Variants in PECAM1 observed in about 807,000 individuals in gnomAD.
PECAM1 encodes the protein platelet and endothelial cell adhesion molecule 1, also known as platelet endothelial cell adhesion molecule.
In PECAM1, 8 loss-of-function variants were observed where a neutral mutation model predicts 13.8. That is an observed-to-expected ratio of 0.58 (90% CI 0.34 to 1.05). The LOEUF (loss-of-function observed/expected upper bound fraction) is 1.05, where lower values mean the gene tolerates loss of function less well. Among genes scored for constraint, PECAM1 ranks in the 50% least tolerant of loss-of-function variants. The pLI is 0.03. For missense variants in PECAM1, 304 were observed against 141.2 expected, an observed-to-expected ratio of 2.15 and a Z score of -5.84; for synonymous variants, 136 against 52.6, an observed-to-expected ratio of 2.58 and a Z score of -6.86.
chr17:64,342,272 G>C (rs985838095), intron 13 of PECAM1, among the ~76,000 whole-genome samples: 24 of 152,284 alleles, frequency 1.6e-4, no homozygotes, highest in African/African-American at 5.5e-4. Context: ...CCCTGGACCT[G>C]AGGGGCCACG....
intron 7 of PECAM1, among the ~76,000 whole-genome samples, chr17:64,357,678 C>T (rs1156786903): frequency 3.3e-5 from 5 of 152,140 alleles, no homozygotes; most frequent in African/African-American, 1.2e-4. Flanking sequence ...GCCTCAGTTA[C>T]GTCATGATAA....
At chr17:64,328,211 T>A (rs1264994389) in intron 15 of PECAM1, among the ~76,000 whole-genome samples, 1 of 152,204 alleles carries the variant, frequency 6.6e-6, no homozygotes, top group Non-Finnish European at 1.5e-5. Context: ...GTAAATAAGT[T>A]GGTCCTACAG....
chr17:64,384,720 G>A (rs957958741), intron 2 of PECAM1, among the ~76,000 whole-genome samples: 1 of 152,126 alleles, frequency 6.6e-6, no homozygotes, highest in African/African-American at 2.4e-5. Context: ...AATGAGACCC[G>A]GTGCCAGCAC....
intron 5 of PECAM1, among the ~76,000 whole-genome samples, chr17:64,368,310 T>G (rs1337269073): frequency 6.6e-6 from 1 of 151,950 alleles, no homozygotes; most frequent in Non-Finnish European, 1.5e-5. Context: ...AAAGGTAGAG[T>G]ATATTTTTGG....
At chr17:64,356,442 A>T in intron 7 of PECAM1, 44 bp from the exon 8 acceptor site, 1 of 433,346 alleles carries the variant, frequency 2.3e-6, no homozygotes, top group Non-Finnish European at 4.2e-6. Flanking sequence ...AGAAGGGCAG[A>T]GGAAGAGGAA....
chr17:64,321,424 T>C lies in PECAM1; in HGVS notation c.*2392A>G. On this transcript the variant is annotated 3_prime_UTR_variant, in exon 16 of 16. Transcript: ENST00000563924. ...GATCCCTGCGCATGAAGTTTCCTCC[T>C]CGGAAATATAGGCAGAAGGGAAAGT... The C allele has an allele frequency of 4.1e-6, 4 of 986,350 alleles. No individual in the cohort carries two copies. Among genetic ancestry groups the C allele is most frequent in the Non-Finnish European group, 3.6e-6 (3 of 830,436 alleles). 61.1% of individuals were successfully genotyped at this position (986,350 alleles called of 1,614,324 possible). A position where few individuals can be genotyped will look rare whatever the true frequency, so the allele number is the denominator to read the frequency against.
At chr17:64,349,513 G>A (rs2035661816) in intron 12 of PECAM1, among the ~76,000 whole-genome samples, 2 of 148,912 alleles carry the variant, frequency 1.3e-5, no homozygotes, top group South Asian at 2.1e-4. Context: ...GCTTGAACCC[G>A]AGAGGCGGAG....
At chr17:64,386,832 C>T (rs1022627891) in intron 2 of PECAM1, among the ~76,000 whole-genome samples, 1 of 151,958 alleles carries the variant, frequency 6.6e-6, no homozygotes, top group South Asian at 2.1e-4. Flanking sequence ...GGTGCAGCTG[C>T]GTGTGAGGGG....
chr17:64,359,066 A>G (rs2035912837), intron 7 of PECAM1, among the ~76,000 whole-genome samples: 1 of 152,078 alleles, frequency 6.6e-6, no homozygotes, highest in African/African-American at 2.4e-5. Context: ...CCAAAGCGCT[A>G]GGATTACAGG....
rs1004435925 is a variant in PECAM1 at position 64,358,307 on chromosome 17, C to T, written c.1492+1833G>A. Among the ~76,000 whole-genome samples the T allele has an allele frequency of 5.5e-4, 84 of 151,992 alleles. 1 individual carries two copies. The highest frequency in any genetic ancestry group is 4.0e-3 in the Admixed American group (61 of 15,252). On this transcript the variant is annotated intron_variant, in intron 7 of 15. Transcript: ENST00000563924. ...CTAATTTTTGTATTTTTAGTAGAGA[C>T]GGGGTTTTGCCATGTTGGCCAAGCT...
chr17:64,363,263 G>C lies in PECAM1; in HGVS notation c.1102C>G (p.Gln368Glu). Reference protein sequence around the residue: ...TIQKEDTIVSQTQDFTKIASK... With the variant: ...TIQKEDTIVSETQDFTKIASK... ...GCTATCTTGGTGAAATCTTGAGTCT[G>C]TGACACAATCGTATCTTCCTTCTGG... The change falls in exon 6 of 16, where the codon CAG (glutamine) becomes GAG (glutamate). Residue 368 changes from glutamine (Q) to glutamate (E), a missense_variant. Coordinates refer to ENST00000563924, the MANE Select transcript of PECAM1 (RefSeq NM_000442.5). The C allele has an allele frequency of 2.1e-6, 1 of 475,462 alleles. No individual in the cohort carries two copies. Among genetic ancestry groups the C allele is most frequent in the Non-Finnish European group, 3.9e-6 (1 of 259,100 alleles). The allele number at this position is 475,462 out of a possible 1,614,324, so 29.5% of individuals were successfully genotyped here.
chr17:64,364,671 A>G (rs1319246112), intron 5 of PECAM1, among the ~76,000 whole-genome samples: 119,573 of 140,044 alleles, frequency 0.85, 53,534 homozygotes, highest in East Asian at 1. Context: ...TTCAATATAC[A>G]CAAATCAATA....
intron 14 of PECAM1, among the ~76,000 whole-genome samples, chr17:64,341,072 G>A (rs1239195269): frequency 3.9e-4 from 56 of 145,220 alleles, no homozygotes; most frequent in Non-Finnish European, 4.3e-4. Context: ...CCCCAGCCTG[G>A]GCATCAAGAG....
chr17:64,321,957 A>C lies in PECAM1; in HGVS notation c.*1859T>G. 7.6e-7 allele frequency: 1 copy of C among 1,312,896 alleles called. No individual in the cohort carries two copies. The highest frequency in any genetic ancestry group is 1.0e-6 in the Non-Finnish European group (1 of 992,750). The allele number at this position is 1,312,896 out of a possible 1,614,324, so 81.3% of individuals were successfully genotyped here. A position where few individuals can be genotyped will look rare whatever the true frequency, so the allele number is the denominator to read the frequency against. On this transcript the variant is annotated 3_prime_UTR_variant, in exon 16 of 16. Coordinates refer to ENST00000563924, the MANE Select transcript of PECAM1 (RefSeq NM_000442.5). Reference sequence around the variant, plus strand: ...CATGAAGGTCGTTAGAGGTCGTCTGATCCTTTGACCTCAATCTGAGCCCAC... The same window carrying C: ...CATGAAGGTCGTTAGAGGTCGTCTGCTCCTTTGACCTCAATCTGAGCCCAC...
intron 13 of PECAM1, among the ~76,000 whole-genome samples, chr17:64,346,555 C>G (rs1355330925): frequency 6.6e-6 from 1 of 152,058 alleles, no homozygotes; most frequent in Non-Finnish European, 1.5e-5. Context: ...AGGCTGGTCT[C>G]GAACTCCTGG....
chr17:64,353,449 G>A (rs1383233748), intron 10 of PECAM1, 42 bp downstream of exon 10: 5 of 459,472 alleles, frequency 1.1e-5, no homozygotes, highest in East Asian at 6.4e-5. Flanking sequence ...CATGTCCACC[G>A]TGCTCACAGA....
At chr17:64,346,493 G>T (rs994475670) in intron 13 of PECAM1, among the ~76,000 whole-genome samples, 40 of 152,046 alleles carry the variant, frequency 2.6e-4, no homozygotes, top group African/African-American at 9.6e-4. Context: ...GCGCCACCAC[G>T]CCCAGCTAAT....
intron 3 of PECAM1, among the ~76,000 whole-genome samples, chr17:64,376,483 T>C (rs1047959317): frequency 6.6e-6 from 1 of 152,314 alleles, no homozygotes; most frequent in African/African-American, 2.4e-5. Context: ...ACTGTGATTG[T>C]TGTTACCCTT....
intron 7 of PECAM1, among the ~76,000 whole-genome samples, chr17:64,359,604 T>C (rs1223363485): frequency 6.6e-6 from 1 of 152,186 alleles, no homozygotes; most frequent in Non-Finnish European, 1.5e-5. Flanking sequence ...ATGCTTATCA[T>C]ATTTTAGCAG....
Sources: allele counts gnomAD v4.1 joint callset (sites outside exome capture counted in the v4.1 genomes callset), GRCh38; gene constraint gnomAD v4.1.1; transcripts MANE v1.5; gene names NCBI Gene and HGNC (gene_info 2026-07-23, HGNC 2026-07-21).